Variants in CMPK1 observed in about 807,000 individuals in gnomAD.
CMPK1 encodes UMP-CMP kinase.
A neutral mutation model predicts 25.7 loss-of-function variants in CMPK1; 10 were observed. That is an observed-to-expected ratio of 0.39 (90% CI 0.24 to 0.66). CMPK1 has a LOEUF of 0.66. Among genes scored for constraint, CMPK1 ranks in the 30% least tolerant of loss-of-function variants. The pLI, the probability that CMPK1 is intolerant of heterozygous loss-of-function variation, is 0.48. For synonymous variants in CMPK1, 106 were observed against 101.5 expected (o/e 1.04, Z -0.27); for missense variants, 199 against 280.5 (o/e 0.71, Z 2.08).
chr1:47,361,275 G>A (rs1646599614), intron 1 of CMPK1, among the ~76,000 whole-genome samples: 1 of 152,152 alleles, frequency 6.6e-6, no homozygotes, highest in Admixed American at 6.6e-5. Flanking sequence ...TGTAATCCCA[G>A]CTACTCTGGA....
chr1:47,334,149 G>C, intron 1 of CMPK1, 33 bp downstream of exon 1: 1 of 1,450,552 alleles, frequency 6.9e-7, no homozygotes, highest in Non-Finnish European at 9.1e-7. Flanking sequence ...GCTCCTTGGG[G>C]CTTGACGGGA....
intron 5 of CMPK1, among the ~76,000 whole-genome samples, chr1:47,375,873 G>A (rs1472990738): frequency 6.6e-6 from 1 of 152,044 alleles, no homozygotes; most frequent in Non-Finnish European, 1.5e-5. Flanking sequence ...CCCTTTCCCC[G>A]ATTCCCTGAA....
At chr1:47,347,628 G>T in intron 1 of CMPK1, among the ~76,000 whole-genome samples, 1 of 151,768 alleles carries the variant, frequency 6.6e-6, no homozygotes, top group East Asian at 1.9e-4. Context: ...TGTTGTTTTT[G>T]GTTTTTGTTG....
At chr1:47,353,479 T>C (rs941251458) in intron 1 of CMPK1, among the ~76,000 whole-genome samples, 1 of 152,228 alleles carries the variant, frequency 6.6e-6, no homozygotes, top group African/African-American at 2.4e-5. Flanking sequence ...TTGATTTTTG[T>C]ATTTAGAGCA....
chr1:47,346,943 C>T (rs957114811), intron 1 of CMPK1, among the ~76,000 whole-genome samples: 1 of 151,612 alleles, frequency 6.6e-6, no homozygotes, highest in African/African-American at 2.4e-5. Context: ...GCCACCATAC[C>T]CGGCTAATTT....
At chr1:47,342,680 C>T (rs367568154) in intron 1 of CMPK1, among the ~76,000 whole-genome samples, 3 of 128,964 alleles carry the variant, frequency 2.3e-5, no homozygotes, top group African/African-American at 8.7e-5. Context: ...GACAGGGTCT[C>T]ACTCTGTTGC....
intron 1 of CMPK1, among the ~76,000 whole-genome samples, chr1:47,342,745 G>T (rs1203024662): frequency 6.7e-6 from 1 of 148,940 alleles, no homozygotes; most frequent in Non-Finnish European, 1.5e-5. Context: ...TGCCTCCCGG[G>T]TTCAAGAAAT....
intron 5 of CMPK1, among the ~76,000 whole-genome samples, chr1:47,376,102 G>A (rs910278819): frequency 2.6e-5 from 4 of 151,316 alleles, no homozygotes; most frequent in African/African-American, 9.7e-5. Context: ...ATTATTGGTA[G>A]CCTCTCAAGA....
rs529020626 is a variant in CMPK1, at chr1:47,376,886, A to C, written c.*141A>C. ...GGAAAGTACATGGTAAAACAAAGTA[A>C]ATTTTTTTATGTTCTTTTTTTTGGT... is the stretch of plus-strand genomic sequence containing the variant. On this transcript the variant is annotated 3_prime_UTR_variant, in exon 6 of 6. Coordinates refer to ENST00000371873, the MANE Select transcript of CMPK1 (RefSeq NM_016308.3). 2.0e-6 allele frequency: 1 copy of C among 493,434 alleles called. No individual in the cohort carries two copies. Among genetic ancestry groups the C allele is most frequent in the Admixed American group, 4.0e-5 (1 of 25,232 alleles). 30.6% of individuals were successfully genotyped at this position (493,434 alleles called of 1,614,324 possible).
chr1:47,345,698 C>T (rs1483705851), intron 1 of CMPK1, among the ~76,000 whole-genome samples: 1 of 151,302 alleles, frequency 6.6e-6, no homozygotes, highest in Non-Finnish European at 1.5e-5. Flanking sequence ...ACCTCGTGAT[C>T]CCCCCACCTC....
intron 1 of CMPK1, among the ~76,000 whole-genome samples, chr1:47,344,054 C>A (rs1646464724): frequency 2.1e-5 from 3 of 144,226 alleles, no homozygotes; most frequent in African/African-American, 7.7e-5. Flanking sequence ...TGCAACAGAG[C>A]AAGACCATGT....
intron 1 of CMPK1, among the ~76,000 whole-genome samples, chr1:47,337,914 A>G (rs1001791503): frequency 6.6e-6 from 1 of 152,106 alleles, no homozygotes; most frequent in Admixed American, 6.6e-5. Flanking sequence ...CCCGGCCTGG[A>G]ATATCTATTG....
rs72553947 is a variant in CMPK1 at position 47,372,980 on chromosome 1, A to G, written c.344A>G (p.Asn115Ser). ...GAAATGGATCAGACAATGGCTGCCA[A>G]TGCTCAGAAGAATAAATTCTTGATT... The part of the protein sequence containing the change: ...KREMDQTMAA[N>S]AQKNKFLIDG... The change falls in exon 3 of 6, where the codon AAT (asparagine) becomes AGT (serine). Residue 115 changes from asparagine to serine, a missense_variant. Physicochemically the swap from Asn to Ser is conservative, Grantham distance 46 (BLOSUM62 1). Coordinates refer to ENST00000371873, the MANE Select transcript of CMPK1 (RefSeq NM_016308.3). 6.9e-3 allele frequency: 11,100 copies of G among 1,612,488 alleles called. 66 individuals carry two copies. The highest frequency in any genetic ancestry group is 0.029 in the East Asian group (1,295 of 44,834).
At chr1:47,344,370 C>G (rs1031382385) in intron 1 of CMPK1, among the ~76,000 whole-genome samples, 2 of 152,016 alleles carry the variant, frequency 1.3e-5, no homozygotes, top group African/African-American at 2.4e-5. Flanking sequence ...CTGAAGGATT[C>G]AATTCTGAGT....
intron 1 of CMPK1, among the ~76,000 whole-genome samples, chr1:47,343,582 A>G (rs1247467845): frequency 1.3e-5 from 2 of 151,422 alleles, no homozygotes; most frequent in Non-Finnish European, 2.9e-5. Context: ...ATTTTTTGAG[A>G]GCCAGGCACT....
chr1:47,358,541 T>G (rs1488077573), intron 1 of CMPK1: 9 of 1,010,324 alleles, frequency 8.9e-6, no homozygotes, highest in Admixed American at 5.7e-5. Flanking sequence ...ATATTATTTC[T>G]GTTTTATAAA....
intron 1 of CMPK1, among the ~76,000 whole-genome samples, chr1:47,350,025 A>G (rs1158874815): frequency 6.6e-6 from 1 of 152,064 alleles, no homozygotes; most frequent in Non-Finnish European, 1.5e-5. Context: ...AGGCTGGTCT[A>G]AAACTCCTGA....
chr1:47,349,942 T>G (rs1411024889), intron 1 of CMPK1, among the ~76,000 whole-genome samples: 1 of 152,012 alleles, frequency 6.6e-6, no homozygotes, highest in Non-Finnish European at 1.5e-5. Flanking sequence ...GTAGCTGGGA[T>G]TACAGGCACG....
chr1:47,369,053 G>C (rs927576905), intron 2 of CMPK1, among the ~76,000 whole-genome samples: 6 of 152,146 alleles, frequency 3.9e-5, no homozygotes, highest in Admixed American at 3.9e-4. Flanking sequence ...ACCCACGCTG[G>C]TGTGCAGTGT....
Sources: allele counts gnomAD v4.1 joint callset (sites outside exome capture counted in the v4.1 genomes callset), GRCh38; gene constraint gnomAD v4.1.1; transcripts MANE v1.5; gene names NCBI Gene and HGNC (gene_info 2026-07-23, HGNC 2026-07-21).